The following YJU2B variants were observed in gnomAD, a reference collection of about 807,000 sequenced individuals.
YJU2B encodes probable splicing factor YJU2B.
In YJU2B, 18 loss-of-function variants were observed where a neutral mutation model predicts 38.0. That is an observed-to-expected ratio of 0.47 (90% CI 0.33 to 0.70). The LOEUF (loss-of-function observed/expected upper bound fraction) is 0.70. YJU2B is among the 30% of genes least tolerant of loss of function. The probability of loss-of-function intolerance (pLI) is 0.02; values close to 1 mark genes in which losing one functional copy is unlikely to be tolerated. For synonymous variants in YJU2B, 246 were observed against 225.4 expected, an observed-to-expected ratio of 1.09 and a Z score of -0.82; for missense variants, 538 against 556.3, an observed-to-expected ratio of 0.97 and a Z score of 0.33.
At chr19:13,758,725 C>A in intron 6 of YJU2B, 143 bp from the exon 7 acceptor site, 1 of 922,980 alleles carries the variant, frequency 1.1e-6, no homozygotes, top group Non-Finnish European at 1.6e-6. Flanking sequence ...CCTTTTTGCC[C>A]GTGGCTCTAC....
intron 3 of YJU2B, among the ~76,000 whole-genome samples, chr19:13,755,561 A>G (rs1299427987): frequency 6.6e-6 from 1 of 152,156 alleles, no homozygotes; most frequent in African/African-American, 2.4e-5. Flanking sequence ...CCTGGAAGTA[A>G]TAATGACCAT....
At chr19:13,746,187 G>A (rs542996811), upstream of YJU2B, among the ~76,000 whole-genome samples, 2 of 152,160 alleles carry the variant, frequency 1.3e-5, no homozygotes, top group South Asian at 4.1e-4. Context: ...GGGAGGCAGA[G>A]GGTGTAGTGA....
intron 8 of YJU2B, among the ~76,000 whole-genome samples, chr19:13,760,301 G>A (rs754591419): frequency 2.0e-5 from 3 of 152,146 alleles, no homozygotes; most frequent in Non-Finnish European, 4.4e-5. Flanking sequence ...CAGATCCAGT[G>A]TCTGGTGAGG....
At chr19:13,746,142 C>T (rs372229499), upstream of YJU2B, among the ~76,000 whole-genome samples, 3 of 152,016 alleles carry the variant, frequency 2.0e-5, 1 homozygote, top group Admixed American at 6.6e-5. Flanking sequence ...GTCCCAGCTA[C>T]CTGGGAGGCT....
Position 13,762,851 on chromosome 19 carries a change from C to G in YJU2B, c.974C>G (p.Ala325Gly), listed in dbSNP as rs1244053388. The G allele has an allele frequency of 1.2e-6, 2 of 1,607,120 alleles. No individual in the cohort carries two copies. The highest frequency in any genetic ancestry group is 2.7e-5 in the African/African-American group (2 of 74,776). ...KSGEPRVPEE[A>G]AQDRPMSPGD... is the part of the protein sequence containing the mutation. The stretch of plus-strand genomic sequence containing the variant: ...GGGGAACCGCGGGTACCAGAGGAGG[C>G]TGCCCAGGACCGGCCCATGTCCCCC... Residue 325 changes from alanine to glycine, a missense_variant, in exon 10 of 10, where the codon GCT becomes GGT. Transcript: ENST00000221554.
chr19:13,747,347 T>C (rs979637335), upstream of YJU2B, among the ~76,000 whole-genome samples: 41 of 152,204 alleles, frequency 2.7e-4, no homozygotes, highest in African/African-American at 8.7e-4. Context: ...CCCACCTAAC[T>C]ATTTAAAAAT....
chr19:13,735,723 C>A (rs920479599), intron 2 of YJU2B, among the ~76,000 whole-genome samples: 1 of 152,084 alleles, frequency 6.6e-6, no homozygotes, highest in African/African-American at 2.4e-5. Context: ...GCACAAGACA[C>A]CCTGGGGTTT....
intron 4 of YJU2B, 36 bp from the exon 5 acceptor site, chr19:13,757,382 G>C (rs1447436739): frequency 1.2e-6 from 2 of 1,600,618 alleles, no homozygotes; most frequent in African/African-American, 2.7e-5. Flanking sequence ...GTGTCCAAGT[G>C]GACAAGTGCA....
chr19:13,753,990 G>T (rs989923651), intron 2 of YJU2B, among the ~76,000 whole-genome samples: 1 of 151,990 alleles, frequency 6.6e-6, no homozygotes, highest in Non-Finnish European at 1.5e-5. Flanking sequence ...GGCCAACATG[G>T]TGAAACCCCA....
chr19:13,751,938 G>A (rs1255642280), intron 2 of YJU2B, 127 bp downstream of exon 2: 2 of 902,084 alleles, frequency 2.2e-6, no homozygotes, highest in Non-Finnish European at 3.6e-6. Context: ...ATCTTTTGGT[G>A]CAGTGGGTCT....
At chr19:13,758,811 G>A (rs951062806) in intron 6 of YJU2B, 57 bp from the exon 7 acceptor site, 27 of 1,592,900 alleles carry the variant, frequency 1.7e-5, no homozygotes, top group Non-Finnish European at 2.1e-5. Flanking sequence ...AGAGGCGACA[G>A]GGCTGTCCTG....
Position 13,762,856 on chromosome 19 carries a change from C to T in YJU2B, c.979C>T (p.Gln327Ter), listed in dbSNP as rs1240952047. 22 of 1,607,768 alleles carry T rather than the reference C, an allele frequency of 1.4e-5. No homozygotes were observed. Among genetic ancestry groups the T allele is most frequent in the Non-Finnish European group, 1.9e-5 (22 of 1,177,860 alleles). ...ACCGCGGGTACCAGAGGAGGCTGCC[C>T]AGGACCGGCCCATGTCCCCCGGAGA... ...GEPRVPEEAA[Q>*]DRPMSPGDCP... The change falls in exon 10 of 10, where the codon CAG becomes TAG. Residue 327 changes from glutamine (Q) to a stop codon, truncating the protein, a stop_gained. Coordinates refer to ENST00000221554, the MANE Select transcript of YJU2B (RefSeq NM_030818.4). LOFTEE classifies it low-confidence loss of function (END_TRUNC).
At chr19:13,744,468 A>T (rs999912997), upstream of YJU2B, among the ~76,000 whole-genome samples, 2 of 152,166 alleles carry the variant, frequency 1.3e-5, no homozygotes, top group African/African-American at 4.8e-5. Flanking sequence ...CATCTCTGGG[A>T]CTCTAACTTC....
chr19:13,756,853 T>C (rs1973685185), intron 4 of YJU2B, among the ~76,000 whole-genome samples: 1 of 151,892 alleles, frequency 6.6e-6, no homozygotes, highest in African/African-American at 2.4e-5. Context: ...GGCTCACACC[T>C]GTAATCCCAG....
chr19:13,750,356 A>T (rs1014651503), intron 1 of YJU2B, among the ~76,000 whole-genome samples: 1 of 151,926 alleles, frequency 6.6e-6, no homozygotes, highest in African/African-American at 2.4e-5. Flanking sequence ...TTTCCCGAGT[A>T]GCTGGGATTA....
intron 2 of YJU2B, 84 bp from the exon 3 acceptor site, chr19:13,754,205 A>T: frequency 9.0e-7 from 1 of 1,106,588 alleles, no homozygotes; most frequent in Non-Finnish European, 1.4e-6. Flanking sequence ...AATCAGAAAA[A>T]ATTTTTTTGA....
At chr19:13,733,211 G>A (rs949072575) in intron 2 of YJU2B, among the ~76,000 whole-genome samples, 1 of 151,956 alleles carries the variant, frequency 6.6e-6, no homozygotes, top group African/African-American at 2.4e-5. Context: ...TTACAGGCAT[G>A]AGCCACCACG....
intron 8 of YJU2B, 129 bp from the exon 9 acceptor site, chr19:13,762,170 G>T: frequency 8.8e-7 from 1 of 1,130,512 alleles, no homozygotes; most frequent in South Asian, 1.5e-5. Context: ...ACTCCAGTCT[G>T]GGCGACAGAA....
At chr19:13,749,734 G>A (rs1039810759) in intron 1 of YJU2B, among the ~76,000 whole-genome samples, 10 of 149,570 alleles carry the variant, frequency 6.7e-5, no homozygotes, top group African/African-American at 2.2e-4. Flanking sequence ...CCGGGTTCAC[G>A]CCATTCTCCT....
Sources: allele counts gnomAD v4.1 joint callset (sites outside exome capture counted in the v4.1 genomes callset), GRCh38; gene constraint gnomAD v4.1.1; transcripts MANE v1.5; gene names NCBI Gene and HGNC (gene_info 2026-07-23, HGNC 2026-07-21).